The following RFT1 variants were observed in gnomAD, a reference collection of about 807,000 sequenced individuals.
RFT1 encodes RFT1 glycolipid translocator homolog.
A neutral mutation model predicts 62.2 loss-of-function variants in RFT1; 43 were observed. The ratio of observed to expected loss-of-function variants is 0.69; its 90% CI spans 0.54 to 0.89. RFT1 has a LOEUF of 0.89. Among genes scored for constraint, RFT1 ranks in the 40% least tolerant of loss-of-function variants. RFT1 has a pLI of 0.00. For missense variants in RFT1, 605 were observed against 649.9 expected (o/e 0.93, Z 0.75); for synonymous variants, 262 against 264.6 (o/e 0.99, Z 0.10).
chr3:53,068,880 A>G, the RFT1 span, among the ~76,000 whole-genome samples: 4 of 152,198 alleles, frequency 2.6e-5, no homozygotes, highest in Non-Finnish European at 5.9e-5. Context: ...ATATTTGATA[A>G]TTACATGAGA....
At chr3:53,109,296 C>T (rs933145912) in intron 7 of RFT1, among the ~76,000 whole-genome samples, 63 of 152,100 alleles carry the variant, frequency 4.1e-4, no homozygotes, top group African/African-American at 1.4e-3. Flanking sequence ...CCTCTATGAC[C>T]CTGGTTTCCT....
At chr3:53,073,219 G>A in the RFT1 span, among the ~76,000 whole-genome samples, 1 of 152,346 alleles carries the variant, frequency 6.6e-6, no homozygotes, top group African/African-American at 2.4e-5. Context: ...CCCAGGCTGG[G>A]TTCCGGGGCC....
At position 53,125,977 on chromosome 3, in the gene RFT1, G is replaced by C. The variant is rs781076485; in HGVS notation, c.81C>G (p.Ile27Met). The C allele has an allele frequency of 1.5e-5, 24 of 1,613,438 alleles. No homozygotes were observed. The South Asian group carries it at 2.5e-4, about 17-fold the overall frequency. The change falls in exon 2 of 13, where the codon ATC becomes ATG. Residue 27 changes from isoleucine to methionine, a missense_variant. By Grantham distance (10) the Ile-to-Met change is conservative (BLOSUM62 1). Coordinates refer to ENST00000296292, the MANE Select transcript of RFT1 (RefSeq NM_052859.4). ...GAATAAATGCATTCAAGACAAAGGT[G>C]ATCAACCGAAACAACACCTATAGAA... ...GLLLQVLFRL[I>M]TFVLNAFILR...
At chr3:53,124,420 G>A (rs1022633530) in intron 2 of RFT1, among the ~76,000 whole-genome samples, 5 of 152,184 alleles carry the variant, frequency 3.3e-5, no homozygotes, top group South Asian at 4.1e-4. Flanking sequence ...ATAGACAGCC[G>A]TCTGGGTGAA....
intron 10 of RFT1, among the ~76,000 whole-genome samples, chr3:53,102,278 A>G (rs1195251549): frequency 6.6e-6 from 1 of 152,234 alleles, no homozygotes; most frequent in African/African-American, 2.4e-5. Context: ...CCATAGCTTC[A>G]TTGTGCACTT....
At chr3:53,109,441 T>C (rs1701585365) in intron 7 of RFT1, among the ~76,000 whole-genome samples, 1 of 152,202 alleles carries the variant, frequency 6.6e-6, no homozygotes, top group African/African-American at 2.4e-5. Flanking sequence ...TTCATCTCAG[T>C]ATTCTCAGCA....
intron 6 of RFT1, among the ~76,000 whole-genome samples, chr3:53,115,278 G>A (rs1165413417): frequency 1.3e-5 from 2 of 152,068 alleles, no homozygotes; most frequent in East Asian, 3.8e-4. Flanking sequence ...ATTTTGCTAA[G>A]CCTTGGCTTT....
chr3:53,071,348 C>T, the RFT1 span, among the ~76,000 whole-genome samples: 1 of 152,272 alleles, frequency 6.6e-6, no homozygotes, highest in African/African-American at 2.4e-5. Flanking sequence ...TGAGAGGACC[C>T]CTGCGCTAAT....
intron 7 of RFT1, among the ~76,000 whole-genome samples, chr3:53,108,091 C>G (rs1017511633): frequency 3.3e-5 from 5 of 152,208 alleles, no homozygotes. Context: ...TTCTGTCGCC[C>G]AGGCTAGAGT....
Position 53,123,724 on chromosome 3 carries a change from G to C in RFT1, c.266C>G (p.Thr89Arg). ...TGTCTCCTGCCAAAGCACAACTCACGTTAGCCACAGCAGGTTGAGGGTCTG... is the reference window on the plus strand; with the variant it reads ...TGTCTCCTGCCAAAGCACAACTCACCTTAGCCACAGCAGGTTGAGGGTCTG... ...WSQTLNLLWL[T>R]VPLGVFWSLF... The change falls in exon 3 of 13, where the codon ACA becomes AGA. Residue 89 changes from threonine (T) to arginine (R), a missense_variant and splice_region_variant. Thr to Arg is a moderately conservative substitution (Grantham distance 71). Coordinates refer to ENST00000296292, the MANE Select transcript of RFT1 (RefSeq NM_052859.4). 6.2e-7 allele frequency: 1 copy of C among 1,611,682 alleles called. No homozygotes were observed. Among genetic ancestry groups the C allele is most frequent in the East Asian group, 2.2e-5 (1 of 44,872 alleles).
At chr3:53,102,241 G>A (rs781502743) in intron 10 of RFT1, among the ~76,000 whole-genome samples, 1 of 152,186 alleles carries the variant, frequency 6.6e-6, no homozygotes, top group Non-Finnish European at 1.5e-5. Context: ...GCCTCTCCTC[G>A]AGCCTTCAGA....
intron 6 of RFT1, among the ~76,000 whole-genome samples, chr3:53,117,272 T>A (rs1271241917): frequency 6.6e-6 from 1 of 152,220 alleles, no homozygotes; most frequent in Non-Finnish European, 1.5e-5. Context: ...TGGCTCTTTG[T>A]CAAGGTTCAA....
the RFT1 span, among the ~76,000 whole-genome samples, chr3:53,080,678 G>C: frequency 6.6e-6 from 1 of 152,186 alleles, no homozygotes; most frequent in African/African-American, 2.4e-5. Flanking sequence ...AGGCATCCCT[G>C]TCTAGTGCTT....
In RFT1 at chr3:53,111,810, C is replaced by A. The variant is rs961442737; in HGVS notation, c.775+20G>T. 3 of 1,603,600 alleles carry A rather than the reference C, an allele frequency of 1.9e-6. No individual in the cohort carries two copies. The highest frequency in any genetic ancestry group is 2.6e-6 in the Non-Finnish European group (3 of 1,170,368). Reference sequence around the variant, plus strand: ...CTTCTACTATGGTCTCCCGACGATTCAGAGTGACCGTCTACTTACCTTCTG... The same window carrying A: ...CTTCTACTATGGTCTCCCGACGATTAAGAGTGACCGTCTACTTACCTTCTG... On this transcript the variant is annotated intron_variant, in intron 7 of 12. Transcript: ENST00000296292.
chr3:53,127,324 G>A (rs1702135105), intron 1 of RFT1, among the ~76,000 whole-genome samples: 3 of 152,024 alleles, frequency 2.0e-5, no homozygotes, highest in Admixed American at 1.3e-4. Context: ...AATTTCCTCG[G>A]TCAAATGAGT....
chr3:53,105,643 C>T (rs1317528654), intron 9 of RFT1, 30 bp downstream of exon 9: 15 of 1,611,544 alleles, frequency 9.3e-6, no homozygotes, highest in African/African-American at 1.3e-5. Context: ...GGAGAATTCA[C>T]TTGAGAGATG....
chr3:53,115,649 G>A (rs1701771068), intron 6 of RFT1, among the ~76,000 whole-genome samples: 2 of 152,172 alleles, frequency 1.3e-5, no homozygotes, highest in Admixed American at 6.5e-5. Flanking sequence ...CAAGCACTGA[G>A]CAAATTTTCT....
intron 6 of RFT1, among the ~76,000 whole-genome samples, chr3:53,114,685 T>C (rs951283036): frequency 6.6e-6 from 1 of 151,220 alleles, no homozygotes; most frequent in Non-Finnish European, 1.5e-5. Context: ...CTGATCTAAA[T>C]AGCCAGGAAT....
intron 8 of RFT1, 149 bp from the exon 9 acceptor site, chr3:53,105,952 GC>G: frequency 1.2e-6 from 1 of 807,648 alleles, no homozygotes. Flanking sequence ...AGTAATAGTG[GC>G]CAGGCACGGT....
Sources: allele counts gnomAD v4.1 joint callset (sites outside exome capture counted in the v4.1 genomes callset), GRCh38; gene constraint gnomAD v4.1.1; transcripts MANE v1.5; gene names NCBI Gene and HGNC (gene_info 2026-07-23, HGNC 2026-07-21).